GYG2: variants seen among roughly 807,000 people sequenced by gnomAD.
GYG2 encodes glycogenin-2.
GYG2 carries 29 observed loss-of-function variants against 29.4 expected under a neutral mutation model. The observed-to-expected ratio is 0.99, with a 90% CI of 0.74 to 1.35. The LOEUF is 1.35. Among genes scored for constraint, GYG2 ranks in the 40% most tolerant of loss-of-function variants. The pLI is 0.00. For synonymous variants in GYG2, 167 were observed against 172.3 expected (o/e 0.97, Z 0.24); for missense variants, 370 against 385.7 (o/e 0.96, Z 0.34).
intron 3 of GYG2, among the ~76,000 whole-genome samples, chrX:2,849,507 A>C: frequency 8.9e-6 from 1 of 112,135 alleles, no homozygotes; most frequent in Non-Finnish European, 1.9e-5. Context: ...GTTTAGATTG[A>C]AAGTGTTCCA....
chrX:2,864,619 G>A (rs1484684557), intron 8 of GYG2, among the ~76,000 whole-genome samples: 2 of 111,015 alleles, frequency 1.8e-5, no homozygotes, highest in African/African-American at 6.5e-5. Flanking sequence ...TCTGATTTCC[G>A]GTTGCGTAAT....
chrX:2,845,816 AATGTAT>A (rs1220381614), intron 3 of GYG2, among the ~76,000 whole-genome samples: 1 of 102,411 alleles, frequency 9.8e-6, no homozygotes, highest in African/African-American at 3.5e-5. Context: ...TATATGTTCA[AATGTAT>A]ATGTATATAC....
chrX:2,837,829 G>A (rs1381632989), intron 2 of GYG2, among the ~76,000 whole-genome samples: 1 of 90,856 alleles, frequency 1.1e-5, no homozygotes, highest in Non-Finnish European at 2.1e-5. Flanking sequence ...CATCTGCTTT[G>A]CAATTAAATA....
chrX:2,829,998 C>T (rs2087225955), intron 1 of GYG2, 63 bp from the exon 2 acceptor site: 1 of 447,636 alleles, frequency 2.2e-6, no homozygotes, highest in Admixed American at 3.7e-5. Context: ...GGTAGGAGGC[C>T]GGGGGTGACA....
chrX:2,848,085 A>T (rs1317998466), intron 3 of GYG2, among the ~76,000 whole-genome samples: 1 of 112,474 alleles, frequency 8.9e-6, no homozygotes, highest in Non-Finnish European at 1.9e-5. Context: ...TGTGTTAAAG[A>T]TAAAACAAAC....
intron 6 of GYG2, among the ~76,000 whole-genome samples, chrX:2,858,100 G>T (rs750076422): frequency 3.6e-5 from 4 of 110,812 alleles, no homozygotes; most frequent in Non-Finnish European, 7.5e-5. Flanking sequence ...TTTTTAAAGG[G>T]ATTGATAAAT....
At position 2,829,922 on chromosome X, in the gene GYG2, G is replaced by C. The variant is rs921048434; in HGVS notation, c.-128-139G>C. The C allele has an allele frequency of 2.3e-5, 9 of 397,341 alleles. No individual in the cohort carries two copies. In the African/African-American group the frequency reaches 2.4e-4, roughly 10 times the overall value. The allele number at this position is 397,341 out of a possible 1,213,427, so 32.7% of individuals were successfully genotyped here. On this transcript the variant is annotated intron_variant, in intron 1 of 10. Coordinates refer to ENST00000398806, the MANE Select transcript of GYG2 (RefSeq NM_001079855.2). ...CCTGGAGCGCCAAGGAGGAAGTGCG[G>C]GGCGTGGAGGTCGCAGGGGCATCGG...
chrX:2,865,735 T>C (rs5939379), intron 8 of GYG2, among the ~76,000 whole-genome samples: 54,373 of 110,197 alleles, frequency 0.49, 11,941 homozygotes, highest in East Asian at 0.79. Context: ...ACAAAAAATA[T>C]CCACTGCTGG....
chrX:2,854,938 A>C, intron 4 of GYG2, 55 bp from the exon 5 acceptor site: 1 of 1,170,777 alleles, frequency 8.5e-7, no homozygotes, highest in Non-Finnish European at 1.2e-6. Context: ...TCTCAAAAAC[A>C]GAAGCATTGG....
intron 8 of GYG2, among the ~76,000 whole-genome samples, chrX:2,863,064 A>G (rs1360848204): frequency 1.2e-5 from 1 of 83,727 alleles, no homozygotes; most frequent in Non-Finnish European, 2.4e-5. Flanking sequence ...TGTCTCAAAG[A>G]AAAAAAAAAA....
Position 2,830,196 on chromosome X carries a change from G to A in GYG2, c.7+1G>A. The A allele has an allele frequency of 3.3e-6, 4 of 1,205,800 alleles. No homozygotes were observed. In the South Asian group the frequency reaches 7.0e-5, roughly 21 times the overall value. Reference sequence around the variant, plus strand: ...CCCGCGGCGCCACTGACCATGTCGGGTGAGTAGCTCAAGCTGCTTCAGTTC... The same window carrying A: ...CCCGCGGCGCCACTGACCATGTCGGATGAGTAGCTCAAGCTGCTTCAGTTC... On this transcript the variant is annotated splice_donor_variant, in intron 2 of 10. Coordinates refer to ENST00000398806, the MANE Select transcript of GYG2 (RefSeq NM_001079855.2). LOFTEE classifies it high-confidence loss of function.
intron 8 of GYG2, among the ~76,000 whole-genome samples, chrX:2,872,446 C>A (rs186182445): frequency 0.015 from 1,639 of 112,193 alleles, 31 homozygotes; most frequent in African/African-American, 0.05. Context: ...GTTAATATTA[C>A]TTGTTAAGTA....
At chrX:2,849,905 A>T (rs748736792) in intron 3 of GYG2, among the ~76,000 whole-genome samples, 1 of 111,153 alleles carries the variant, frequency 9.0e-6, no homozygotes, top group Non-Finnish European at 1.9e-5. Context: ...GCTTGAGTTC[A>T]GGAGTTCAAG....
intron 3 of GYG2, among the ~76,000 whole-genome samples, chrX:2,847,435 T>A (rs187844286): frequency 0.029 from 3,034 of 105,519 alleles, 115 homozygotes; most frequent in African/African-American, 0.1. Context: ...ATGCCTGTAA[T>A]CCCAACACTT....
chrX:2,850,788 G>T (rs778357061), intron 3 of GYG2, among the ~76,000 whole-genome samples: 26 of 108,359 alleles, frequency 2.4e-4, no homozygotes, highest in Non-Finnish European at 3.6e-4. Flanking sequence ...AATTTTCCTT[G>T]ACCTACCCAA....
chrX:2,855,691 C>T (rs759891286), intron 5 of GYG2, among the ~76,000 whole-genome samples: 2 of 111,569 alleles, frequency 1.8e-5, no homozygotes, highest in African/African-American at 3.3e-5. Flanking sequence ...AGTTCAAGAC[C>T]GGGGTGGGCA....
At chrX:2,879,392 C>T (rs867875243) in intron 10 of GYG2, among the ~76,000 whole-genome samples, 3 of 108,976 alleles carry the variant, frequency 2.8e-5, no homozygotes, top group Non-Finnish European at 5.7e-5. Flanking sequence ...CTCAGCCTCC[C>T]GGGTAGCTGG....
rs753272000 is a variant in GYG2, at chrX:2,876,596, G to A, written c.1144-604G>A. On this transcript the variant is annotated intron_variant, in intron 9 of 10. Coordinates refer to ENST00000398806, the MANE Select transcript of GYG2 (RefSeq NM_001079855.2). Reference sequence around the variant, plus strand: ...GAAAAAGTGAGGGGAGAGAAGCTGAGCTATTTTTAGCATTCCCAGAAAAGA... The same window carrying A: ...GAAAAAGTGAGGGGAGAGAAGCTGAACTATTTTTAGCATTCCCAGAAAAGA... Among the ~76,000 whole-genome samples, 6 of 111,502 alleles carry A rather than the reference G, an allele frequency of 5.4e-5. No individual in the cohort carries two copies. The South Asian group carries it at 2.3e-3, about 42-fold the overall frequency.
At chrX:2,861,102 T>C (rs893240563) in intron 7 of GYG2, among the ~76,000 whole-genome samples, 4 of 110,614 alleles carry the variant, frequency 3.6e-5, no homozygotes, top group Non-Finnish European at 7.6e-5. Flanking sequence ...GCCTGGGAAA[T>C]TGAAAAGAAT....
Sources: allele counts gnomAD v4.1 joint callset (sites outside exome capture counted in the v4.1 genomes callset), GRCh38; gene constraint gnomAD v4.1.1; transcripts MANE v1.5; gene names NCBI Gene and HGNC (gene_info 2026-07-23, HGNC 2026-07-21).